Variants in EPHX2 observed in about 807,000 individuals in gnomAD.
The protein encoded by EPHX2 is bifunctional epoxide hydrolase 2.
In EPHX2, 74 loss-of-function variants were observed where a neutral mutation model predicts 78.7. The observed-to-expected ratio is 0.94, with a 90% CI of 0.78 to 1.14. EPHX2 has a LOEUF of 1.14. EPHX2 is among the 50% of genes most tolerant of loss of function. The pLI, the probability that EPHX2 is intolerant of heterozygous loss-of-function variation, is 0.00. For synonymous variants in EPHX2, 251 were observed against 255.2 expected (o/e 0.98, Z 0.16); for missense variants, 715 against 702.5 (o/e 1.02, Z -0.20).
At chr8:27,510,398 G>A (rs1363831072) in intron 5 of EPHX2, among the ~76,000 whole-genome samples, 7 of 152,130 alleles carry the variant, frequency 4.6e-5, no homozygotes, top group Non-Finnish European at 1.0e-4. Flanking sequence ...GCCACCATAA[G>A]GACTCCTTGT....
intron 8 of EPHX2, 135 bp downstream of exon 8, chr8:27,516,533 C>T (rs1377281392): frequency 3.8e-6 from 3 of 799,600 alleles, no homozygotes; most frequent in Non-Finnish European, 6.2e-6. Context: ...CACCTCTTTC[C>T]TCTCCTACGG....
At position 27,543,849 on chromosome 8, in the gene EPHX2, C is replaced by T. The variant is rs138795951; in HGVS notation, c.1530+20C>T. 267 of 1,613,488 alleles carry T rather than the reference C, an allele frequency of 1.7e-4. 4 individuals carry two copies. The East Asian group carries it at 5.9e-3, about 36-fold the overall frequency. ...GACTGGGTGAGGGAATGGCCCTGTACAAGGGTCATCAGTGCACCCCGGGAG... is the reference window on the plus strand; with the variant it reads ...GACTGGGTGAGGGAATGGCCCTGTATAAGGGTCATCAGTGCACCCCGGGAG... On this transcript the variant is annotated intron_variant, in intron 17 of 18. Transcript: ENST00000521400.
intron 14 of EPHX2, among the ~76,000 whole-genome samples, 165 bp from the exon 15 acceptor site, chr8:27,540,389 G>A (rs563789475): frequency 5.3e-5 from 8 of 152,250 alleles, no homozygotes; most frequent in Admixed American, 1.3e-4. Context: ...TTGAGCTTTC[G>A]AGGAGATGGG....
chr8:27,530,401 A>T (rs900992889), intron 12 of EPHX2, among the ~76,000 whole-genome samples: 1 of 152,232 alleles, frequency 6.6e-6, no homozygotes, highest in African/African-American at 2.4e-5. Flanking sequence ...AGCTACTACT[A>T]ATAGTCTGGT....
chr8:27,525,112 G>GCGCA (rs1056099733), intron 11 of EPHX2, among the ~76,000 whole-genome samples: 2 of 147,872 alleles, frequency 1.4e-5, no homozygotes, highest in African/African-American at 5.0e-5. Context: ...GTGTGTGCGC[G>GCGCA]CGCGCGCGCG....
In EPHX2 at chr8:27,499,188, A is replaced by T. The variant is rs78974359; in HGVS notation, c.102-1738A>T. 8.5e-3 allele frequency among the ~76,000 whole-genome samples: 1,292 copies of T among 152,318 alleles called. 17 individuals carry two copies. Among genetic ancestry groups the T allele is most frequent in the African/African-American group, 0.029 (1,218 of 41,558 alleles). On this transcript the variant is annotated intron_variant, in intron 1 of 18. Transcript: ENST00000521400. Reference sequence around the variant, plus strand: ...AGCCTATGGATGAATTAATCCATCCATGAAGGTGGAGCCCTCATGACCCAA... The same window carrying T: ...AGCCTATGGATGAATTAATCCATCCTTGAAGGTGGAGCCCTCATGACCCAA...
chr8:27,504,739 G>A (rs1813931262), intron 3 of EPHX2, among the ~76,000 whole-genome samples: 1 of 152,170 alleles, frequency 6.6e-6, no homozygotes, highest in Non-Finnish European at 1.5e-5. Flanking sequence ...GGCTTCTGAG[G>A]GCCTTGAATG....
intron 10 of EPHX2, 66 bp from the exon 11 acceptor site, chr8:27,522,357 C>A: frequency 6.5e-7 from 1 of 1,536,756 alleles, no homozygotes. Flanking sequence ...GGCTGATGGC[C>A]GAACCTCTCA....
intron 4 of EPHX2, among the ~76,000 whole-genome samples, chr8:27,505,744 G>A (rs1813981627): frequency 6.6e-6 from 1 of 152,122 alleles, no homozygotes; most frequent in Non-Finnish European, 1.5e-5. Flanking sequence ...TGCATCCTGG[G>A]ACCTCCCCTT....
At chr8:27,543,670 G>A in intron 16 of EPHX2, 79 bp from the exon 17 acceptor site, 17 of 1,427,424 alleles carry the variant, frequency 1.2e-5, no homozygotes, top group Non-Finnish European at 1.4e-5. Flanking sequence ...GCAGGGTGGC[G>A]AGCAGGGGTC....
rs1814622723 is a variant in EPHX2, at chr8:27,520,916, C to T, written c.972+7C>T. The T allele has an allele frequency of 1.9e-6, 3 of 1,614,092 alleles. No individual in the cohort carries two copies. The highest frequency in any genetic ancestry group is 2.2e-5 in the South Asian group (2 of 91,084). Reference sequence around the variant, plus strand: ...AACCTTCCTGGATAAACTGGTAAGTCATTATTTTGAACTGATATCTTTGGA... The same window carrying T: ...AACCTTCCTGGATAAACTGGTAAGTTATTATTTTGAACTGATATCTTTGGA... On this transcript the variant is annotated splice_region_variant and intron_variant, in intron 10 of 18. Coordinates refer to ENST00000521400, the MANE Select transcript of EPHX2 (RefSeq NM_001979.6).
rs4149251 is a variant in EPHX2, at chr8:27,536,833, G to A, written c.1220G>A (p.Ser407Asn). 1.1e-5 allele frequency: 17 copies of A among 1,613,876 alleles called. No homozygotes were observed. In the East Asian group the frequency reaches 3.6e-4, roughly 34 times the overall value. Reference sequence around the variant, plus strand: ...CAGAACCTGAGTCGGACTTTCAAAAGCCTCTTCAGAGCAAGCGATGAGGTG... The same window carrying A: ...CAGAACCTGAGTCGGACTTTCAAAAACCTCTTCAGAGCAAGCGATGAGGTG... ...LEQNLSRTFK[S>N]LFRASDESVL... The change falls in exon 13 of 19, where the codon AGC becomes AAC. Residue 407 changes from serine to asparagine, a missense_variant. Ser to Asn is a conservative substitution (Grantham distance 46, BLOSUM62 1). Transcript: ENST00000521400.
At chr8:27,538,220 AT>A (rs1286917071) in intron 13 of EPHX2, among the ~76,000 whole-genome samples, 2 of 151,852 alleles carry the variant, frequency 1.3e-5, no homozygotes, top group East Asian at 1.9e-4. Context: ...TCATGAGGGG[AT>A]TTTTTTTCTA....
intron 14 of EPHX2, among the ~76,000 whole-genome samples, chr8:27,539,846 C>T (rs10283341): frequency 0.082 from 12,471 of 152,258 alleles, 540 homozygotes; most frequent in Non-Finnish European, 0.1. Flanking sequence ...ATGTGTCTCA[C>T]AAAAGCCTGG....
rs1274296786 is a variant in EPHX2, at chr8:27,497,142, A to G, written c.102-3784A>G. Among the ~76,000 whole-genome samples, 9 of 152,288 alleles carry G rather than the reference A, an allele frequency of 5.9e-5. 1 individual carries two copies. The East Asian group carries it at 1.4e-3, about 23-fold the overall frequency. ...TGCACCAGTGTCCAGGAGGAAGTCA[A>G]TTTCCTGGCCCTCAATGGTTAAACT... On this transcript the variant is annotated intron_variant, in intron 1 of 18. Coordinates refer to ENST00000521400, the MANE Select transcript of EPHX2 (RefSeq NM_001979.6).
At chr8:27,523,300 C>T (rs1287037879) in intron 11 of EPHX2, among the ~76,000 whole-genome samples, 2 of 152,210 alleles carry the variant, frequency 1.3e-5, no homozygotes, top group African/African-American at 4.8e-5. Flanking sequence ...GTCCAGTGAG[C>T]CCAGCATGTC....
At chr8:27,503,550 G>T in intron 2 of EPHX2, 54 bp from the exon 3 acceptor site, 1 of 1,544,942 alleles carries the variant, frequency 6.5e-7, no homozygotes, top group Non-Finnish European at 8.8e-7. Flanking sequence ...AGTAGACCCT[G>T]CCAGAGCTTT....
intron 16 of EPHX2, 106 bp from the exon 17 acceptor site, chr8:27,543,627 GCAAAGTTCGGCAGATA>G: frequency 2.2e-6 from 2 of 923,096 alleles, no homozygotes; most frequent in South Asian, 3.2e-5. Flanking sequence ...AGTCTGTTGT[GCAAAGTTCGGCAGATA>G]CAACGTCAGG....
chr8:27,519,853 AGTCT>A (rs766489266), intron 9 of EPHX2, among the ~76,000 whole-genome samples: 9 of 152,180 alleles, frequency 5.9e-5, no homozygotes, highest in Non-Finnish European at 1.2e-4. Flanking sequence ...TGCTGGTCAC[AGTCT>A]GCACAGGTCT....
Sources: allele counts gnomAD v4.1 joint callset (sites outside exome capture counted in the v4.1 genomes callset), GRCh38; gene constraint gnomAD v4.1.1; transcripts MANE v1.5; gene names NCBI Gene and HGNC (gene_info 2026-07-23, HGNC 2026-07-21).